The following HMCN1 variants were observed in gnomAD, a reference collection of about 807,000 sequenced individuals.
HMCN1 encodes hemicentin-1.
In HMCN1, 321 loss-of-function variants were observed where a neutral mutation model predicts 625.9. That is an observed-to-expected ratio of 0.51 (90% confidence interval 0.47 to 0.56). HMCN1 has a LOEUF of 0.56. Among genes scored for constraint, HMCN1 ranks in the 20% least tolerant of loss-of-function variants. HMCN1 has a pLI of 0.00. For synonymous variants in HMCN1, 2,425 were observed against 2,417.6 expected (o/e 1.00, Z -0.09); for missense variants, 6,588 against 6,887.3 (o/e 0.96, Z 1.54).
At chr1:185,789,000 G>T (rs186568064) in intron 1 of HMCN1, among the ~76,000 whole-genome samples, 2 of 152,158 alleles carry the variant, frequency 1.3e-5, no homozygotes, top group East Asian at 3.9e-4. Context: ...TTGAGATAAA[G>T]AAATAAAAAC....
chr1:186,003,922 C>G, intron 29 of HMCN1, 78 bp downstream of exon 29: 1 of 1,366,448 alleles, frequency 7.3e-7, no homozygotes, highest in Non-Finnish European at 1.0e-6. Flanking sequence ...GATTTTCTCC[C>G]TCTTAATTAT....
At chr1:185,827,197 A>T (rs896087675) in intron 1 of HMCN1, among the ~76,000 whole-genome samples, 39 of 150,938 alleles carry the variant, frequency 2.6e-4, no homozygotes, top group Non-Finnish European at 5.2e-4. Context: ...AAGAAAAAAA[A>T]TTGCAAGAAA....
intron 55 of HMCN1, among the ~76,000 whole-genome samples, chr1:186,080,460 A>G (rs1452591132): frequency 6.6e-6 from 1 of 152,216 alleles, no homozygotes; most frequent in African/African-American, 2.4e-5. Flanking sequence ...TTAAAATTCT[A>G]TGGGTAACGT....
chr1:185,899,689 T>G lies in HMCN1; in HGVS notation c.622-9648T>G, dbSNP rs1377359814. Among the ~76,000 whole-genome samples the G allele has an allele frequency of 2.0e-5, 3 of 148,900 alleles. No individual in the cohort carries two copies. The East Asian group carries it at 5.8e-4, about 29-fold the overall frequency. ...TTGGAGATACAGAACAGTTCTCCTG[T>G]TCACAACACTGTTTAGCAGTGGTAA... On this transcript the variant is annotated intron_variant, in intron 4 of 106. Coordinates refer to ENST00000271588, the MANE Select transcript of HMCN1 (RefSeq NM_031935.3).
chr1:185,968,390 AAATAT>A (rs1650570505), intron 14 of HMCN1, among the ~76,000 whole-genome samples: 1 of 151,928 alleles, frequency 6.6e-6, no homozygotes, highest in Non-Finnish European at 1.5e-5. Context: ...ACAATTTTAA[AAATAT>A]AATATGTTCA....
chr1:185,815,198 G>A (rs185756262), intron 1 of HMCN1, among the ~76,000 whole-genome samples: 2 of 150,298 alleles, frequency 1.3e-5, no homozygotes, highest in East Asian at 3.9e-4. Flanking sequence ...ACCATATCCT[G>A]AGAATGATGT....
At chr1:186,080,259 G>A (rs61831266) in intron 55 of HMCN1, among the ~76,000 whole-genome samples, 6,822 of 152,136 alleles carry the variant, frequency 0.045, 236 homozygotes, top group Middle Eastern at 0.088. Context: ...CAGTTTAGTT[G>A]TTGGAAACCC....
Position 186,172,053 on chromosome 1 carries a change from A to T in HMCN1, c.15736A>T (p.Lys5246Ter). The T allele has an allele frequency of 6.2e-7, 1 of 1,613,784 alleles. No homozygotes were observed. The highest frequency in any genetic ancestry group is 8.5e-7 in the Non-Finnish European group (1 of 1,179,686). The change falls in exon 102 of 107, where the codon AAG becomes TAG. Residue 5246 changes from lysine to a stop codon, truncating the protein, a stop_gained. Transcript: ENST00000271588. LOFTEE classifies it high-confidence loss of function. ...QNVCRPDQHC[K>*]NTRGGYKCID... The stretch of plus-strand genomic sequence containing the variant: ...TGTATGCAGACCAGATCAGCACTGT[A>T]AGAACACCCGTGGTGGCTATAAGTG...
chr1:185,989,047 A>G (rs542337199), intron 20 of HMCN1, among the ~76,000 whole-genome samples: 9 of 131,880 alleles, frequency 6.8e-5, no homozygotes, highest in Admixed American at 3.6e-4. Flanking sequence ...TCGCTCTGTC[A>G]CACAGGCTGG....
chr1:185,926,936 C>G (rs759675288), intron 9 of HMCN1, among the ~76,000 whole-genome samples: 2 of 152,146 alleles, frequency 1.3e-5, no homozygotes, highest in Non-Finnish European at 2.9e-5. Flanking sequence ...TTAATGTCAA[C>G]TGAGAAGGCT....
chr1:185,964,936 CAG>C (rs1650296714), intron 13 of HMCN1, among the ~76,000 whole-genome samples: 1 of 151,872 alleles, frequency 6.6e-6, no homozygotes, highest in Admixed American at 6.6e-5. Flanking sequence ...GGAACTGTAA[CAG>C]GGTAAGGTTA....
chr1:185,794,720 T>C (rs2102209304), intron 1 of HMCN1, among the ~76,000 whole-genome samples: 1 of 151,602 alleles, frequency 6.6e-6, no homozygotes, highest in Admixed American at 6.6e-5. Context: ...ACTCAAATAT[T>C]AATCTCCTTT....
At chr1:185,925,995 G>A (rs1406408998) in intron 9 of HMCN1, among the ~76,000 whole-genome samples, 1 of 152,168 alleles carries the variant, frequency 6.6e-6, no homozygotes, top group African/African-American at 2.4e-5. Flanking sequence ...ATAACAATCA[G>A]CAGGAGTAGG....
chr1:186,144,847 C>G, intron 91 of HMCN1, 144 bp downstream of exon 91: 1 of 944,328 alleles, frequency 1.1e-6, no homozygotes. Context: ...GCTGTCATGT[C>G]TGTATAATAC....
At chr1:186,134,651 AC>A (rs1462356404) in intron 86 of HMCN1, among the ~76,000 whole-genome samples, 1 of 152,170 alleles carries the variant, frequency 6.6e-6, no homozygotes, top group Non-Finnish European at 1.5e-5. Flanking sequence ...GCAGAAAAAA[AC>A]TAACATATTA....
In HMCN1 at chr1:185,923,398, A is replaced by G; in HGVS notation, c.1030A>G (p.Thr344Ala). 1 of 1,608,616 alleles carries G rather than the reference A, an allele frequency of 6.2e-7. No individual in the cohort carries two copies. The highest frequency in any genetic ancestry group is 8.5e-7 in the Non-Finnish European group (1 of 1,176,014). Residue 344 changes from threonine (T) to alanine (A), a missense_variant, in exon 8 of 107, where the codon ACC becomes GCC. Around this residue, in one of 3 missense-constraint regions of HMCN1, gnomAD observed 4,628 missense variants for 4,853.1 expected, o/e 0.95. Transcript: ENST00000271588. ...TVSRPVQGIP[T>A]YVLLNTSGIS... The stretch of plus-strand genomic sequence containing the variant: ...AAATCTTTCTCTTGTAGGAATACCT[A>G]CCTATGTACTGCTCAATACTTCTGG...
chr1:186,153,724 C>T (rs1433201706), intron 96 of HMCN1, 26 bp from the exon 97 acceptor site: 1 of 1,594,732 alleles, frequency 6.3e-7, no homozygotes, highest in East Asian at 2.2e-5. Context: ...CCATATTGAT[C>T]TTCAAATCCA....
intron 71 of HMCN1, among the ~76,000 whole-genome samples, chr1:186,111,272 C>A (rs961461237): frequency 6.6e-6 from 1 of 152,002 alleles, no homozygotes; most frequent in Non-Finnish European, 1.5e-5. Flanking sequence ...TGAGCCACCG[C>A]GCCCGGCCAA....
intron 85 of HMCN1, among the ~76,000 whole-genome samples, chr1:186,131,637 A>G (rs1271105188): frequency 2.0e-5 from 3 of 152,122 alleles, no homozygotes; most frequent in African/African-American, 7.2e-5. Context: ...TACTACCTGC[A>G]AATCAGTTCC....
Sources: allele counts gnomAD v4.1 joint callset (sites outside exome capture counted in the v4.1 genomes callset), GRCh38; gene constraint gnomAD v4.1.1; regional missense constraint gnomAD v4.1.1; transcripts MANE v1.5; gene names NCBI Gene and HGNC (gene_info 2026-07-23, HGNC 2026-07-21).